The following SNX13 variants were observed in gnomAD, a reference collection of about 807,000 sequenced individuals.
The protein encoded by SNX13 is sorting nexin-13.
SNX13 carries 45 observed loss-of-function variants against 133.6 expected under a neutral mutation model. The ratio of observed to expected loss-of-function variants is 0.34; its 90% confidence interval spans 0.27 to 0.43. SNX13 has a LOEUF of 0.43. SNX13 is among the 20% of genes least tolerant of loss of function. The probability of loss-of-function intolerance (pLI) is 1.00; values close to 1 mark genes in which losing one functional copy is unlikely to be tolerated. For synonymous variants in SNX13, 414 were observed against 373.9 expected (o/e 1.11, Z -1.24); for missense variants, 1,032 against 1,145.1 (o/e 0.90, Z 1.43).
At chr7:17,939,431 C>T (rs1802499040) in intron 1 of SNX13, among the ~76,000 whole-genome samples, 1 of 152,208 alleles carries the variant, frequency 6.6e-6, no homozygotes, top group African/African-American at 2.4e-5. Context: ...TACTACAACA[C>T]ATAACTGGGC....
chr7:17,840,113 AT>A (rs1304172658), intron 12 of SNX13, 113 bp from the exon 13 acceptor site: 2 of 799,198 alleles, frequency 2.5e-6, no homozygotes, highest in Admixed American at 4.0e-5. Context: ...AAAACTCCAC[AT>A]TTTGAAAATG....
At chr7:17,801,814 T>C (rs557574502) in intron 21 of SNX13, among the ~76,000 whole-genome samples, 155 bp from the exon 22 acceptor site, 31 of 152,068 alleles carry the variant, frequency 2.0e-4, no homozygotes, top group Admixed American at 2.0e-4. Flanking sequence ...GAACCAAATA[T>C]AAAGGGTAAT....
At chr7:17,839,330 C>G (rs1789584546) in intron 13 of SNX13, among the ~76,000 whole-genome samples, 1 of 151,124 alleles carries the variant, frequency 6.6e-6, no homozygotes, top group South Asian at 2.1e-4. Flanking sequence ...ATTGTTTTAT[C>G]AATTATTGAA....
At chr7:17,845,105 G>T (rs1790332043) in intron 12 of SNX13, among the ~76,000 whole-genome samples, 1 of 151,994 alleles carries the variant, frequency 6.6e-6, no homozygotes, top group Admixed American at 6.6e-5. Context: ...AGGAAAAGTG[G>T]AGGGAGGGGA....
At chr7:17,890,282 C>G (rs1004992431) in intron 5 of SNX13, 81 bp downstream of exon 5, 74 of 1,314,668 alleles carry the variant, frequency 5.6e-5, no homozygotes, top group Non-Finnish European at 7.5e-5. Flanking sequence ...TAAACAATTC[C>G]TCCCCTTAAA....
At position 17,875,662 on chromosome 7, in the gene SNX13, A is replaced by ATAT. The variant is rs1260717318; in HGVS notation, c.562+4_562+6dup. On this transcript the variant is annotated splice_region_variant and intron_variant, in intron 6 of 25. Transcript: ENST00000428135. Reference sequence around the variant, plus strand: ...ATCCTAGTTTTCAAATGGAATAAAGATATTACCTTTCACTTGATCATCTTT... The same window carrying ATAT: ...ATCCTAGTTTTCAAATGGAATAAAGATATTATTACCTTTCACTTGATCATCTTT... 3 of 1,608,936 alleles carry ATAT rather than the reference A, an allele frequency of 1.9e-6. No homozygotes were observed. The highest frequency in any genetic ancestry group is 2.5e-6 in the Non-Finnish European group (3 of 1,177,452).
At chr7:17,938,384 C>T (rs10230644) in intron 1 of SNX13, among the ~76,000 whole-genome samples, 3,177 of 152,212 alleles carry the variant, frequency 0.021, 123 homozygotes, top group African/African-American at 0.071. Flanking sequence ...TAATAATTGA[C>T]CTTGGACAAG....
intron 5 of SNX13, among the ~76,000 whole-genome samples, chr7:17,887,425 A>G (rs1583631066): frequency 6.6e-6 from 1 of 152,288 alleles, no homozygotes; most frequent in South Asian, 2.1e-4. Flanking sequence ...TTCCACAGAG[A>G]AGGAGAACTC....
At chr7:17,794,952 AAGTGGCAGGTAAAGG>A (rs1389070653) in intron 25 of SNX13, 1 of 151,764 alleles carries the variant, frequency 6.6e-6, no homozygotes, top group Non-Finnish European at 1.5e-5. Context: ...CCCTTTAAGG[AAGTGGCAGGTAAAGG>A]AGACTTTCTA....
chr7:17,895,661 T>G (rs991428171), intron 2 of SNX13, among the ~76,000 whole-genome samples: 1 of 152,104 alleles, frequency 6.6e-6, no homozygotes, highest in Non-Finnish European at 1.5e-5. Context: ...AATTATTCCT[T>G]GATAAACTAC....
chr7:17,891,326 T>C (rs1297370096), intron 4 of SNX13, among the ~76,000 whole-genome samples: 1 of 152,016 alleles, frequency 6.6e-6, no homozygotes, highest in Non-Finnish European at 1.5e-5. Flanking sequence ...CAACTTTTTT[T>C]CTAAATCCAA....
In SNX13 at chr7:17,803,453, C is replaced by T; in HGVS notation, c.2192G>A (p.Arg731Lys). Reference protein sequence around the residue: ...MSDNMGKMSERLGQDIKQSFF... With the variant: ...MSDNMGKMSEKLGQDIKQSFF... ...TGATTGCTTTATGTCTTGACCTAATCTTTCTGACATTTTGCCCATGTTGTC... is the reference window on the plus strand; with the variant it reads ...TGATTGCTTTATGTCTTGACCTAATTTTTCTGACATTTTGCCCATGTTGTC... Residue 731 changes from arginine to lysine, a missense_variant, in exon 21 of 26, where the codon AGA becomes AAA. Transcript: ENST00000428135. The T allele has an allele frequency of 6.2e-7, 1 of 1,612,066 alleles. No homozygotes were observed. Among genetic ancestry groups the T allele is most frequent in the Non-Finnish European group, 8.5e-7 (1 of 1,178,946 alleles).
chr7:17,935,623 T>C (rs1583854599), intron 1 of SNX13, among the ~76,000 whole-genome samples: 1 of 152,208 alleles, frequency 6.6e-6, no homozygotes, highest in East Asian at 1.9e-4. Flanking sequence ...ATTAAAATAA[T>C]ATTTAAAAAG....
intron 1 of SNX13, among the ~76,000 whole-genome samples, chr7:17,919,449 T>C (rs919852468): frequency 6.6e-6 from 1 of 152,220 alleles, no homozygotes; most frequent in African/African-American, 2.4e-5. Context: ...CAGAATTTCA[T>C]ACCATACAGT....
rs113108974 is a variant in SNX13 at position 17,837,097 on chromosome 7, G to A, written c.1360-2232C>T. Among the ~76,000 whole-genome samples the A allele has an allele frequency of 1.5e-4, 23 of 151,854 alleles. 2 individuals are homozygous for A. The highest frequency in any genetic ancestry group is 5.6e-4 in the African/African-American group (23 of 41,414). On this transcript the variant is annotated intron_variant, in intron 13 of 25. Coordinates refer to ENST00000428135, the MANE Select transcript of SNX13 (RefSeq NM_015132.5). ...AGCCCACCTCACACTTATTTCTTGT[G>A]TCAATCCAATGTGAAGGATCAAGTT...
intron 20 of SNX13, among the ~76,000 whole-genome samples, chr7:17,805,559 AT>A (rs1562664723): frequency 6.6e-6 from 1 of 152,180 alleles, no homozygotes; most frequent in South Asian, 2.1e-4. Context: ...AAAGGCATGA[AT>A]TTCAATTTAA....
At chr7:17,927,178 T>C (rs759776396) in intron 1 of SNX13, among the ~76,000 whole-genome samples, 23 of 150,462 alleles carry the variant, frequency 1.5e-4, no homozygotes, top group Non-Finnish European at 2.7e-4. Flanking sequence ...TTATATATTA[T>C]GCGTGTACAT....
At chr7:17,814,474 A>C (rs1026224071) in intron 20 of SNX13, among the ~76,000 whole-genome samples, 1 of 152,108 alleles carries the variant, frequency 6.6e-6, no homozygotes, top group African/African-American at 2.4e-5. Flanking sequence ...ATACTTTCAG[A>C]ACATATCCTG....
rs1219555825 is a variant in SNX13 at position 17,793,799 on chromosome 7, T to C, written c.*246A>G. 3 of 363,112 alleles carry C rather than the reference T, an allele frequency of 8.3e-6. No individual in the cohort carries two copies. Among genetic ancestry groups the C allele is most frequent in the African/African-American group, 6.3e-5 (3 of 47,698 alleles). The allele number at this position is 363,112 out of a possible 1,614,324, so 22.5% of individuals were successfully genotyped here. Reference sequence around the variant, plus strand: ...AAACCAACGCCATTCTTGCTTGAGATGGGGGCAGTTTTCTCTCAATGTTGC... The same window carrying C: ...AAACCAACGCCATTCTTGCTTGAGACGGGGGCAGTTTTCTCTCAATGTTGC... On this transcript the variant is annotated 3_prime_UTR_variant, in exon 26 of 26. Coordinates refer to ENST00000428135, the MANE Select transcript of SNX13 (RefSeq NM_015132.5).
Sources: gnomAD v4.1 joint callset for allele counts (sites outside exome capture counted in the v4.1 genomes callset) on GRCh38, gnomAD v4.1.1 for gene constraint, MANE v1.5 for transcripts, NCBI Gene and HGNC (gene_info 2026-07-23, HGNC 2026-07-21) for gene names.